Variants in NCF4 observed in about 807,000 individuals in gnomAD.
NCF4 encodes neutrophil cytosol factor 4.
In NCF4, 30 loss-of-function variants were observed where a neutral mutation model predicts 41.7. The observed-to-expected ratio is 0.72, with a 90% CI of 0.54 to 0.97. The LOEUF (loss-of-function observed/expected upper bound fraction) is 0.97, where lower values mean the gene tolerates loss of function less well. NCF4 is among the 50% of genes least tolerant of loss of function. NCF4 has a pLI of 0.00. For missense variants in NCF4, 432 were observed against 460.9 expected, an observed-to-expected ratio of 0.94 and a Z score of 0.57; for synonymous variants, 195 against 175.8, an observed-to-expected ratio of 1.11 and a Z score of -0.87.
At chr22:36,871,041 C>T (rs866487925) in intron 5 of NCF4, among the ~76,000 whole-genome samples, 14 of 152,208 alleles carry the variant, frequency 9.2e-5, no homozygotes, top group African/African-American at 3.4e-4. Flanking sequence ...TCAAGCCACT[C>T]GTAGACTGCT....
rs371008750 is a variant in NCF4, at chr22:36,877,756, G to A, written c.953G>A (p.Arg318His). 2.8e-5 allele frequency: 45 copies of A among 1,613,908 alleles called. No homozygotes were observed. The highest frequency in any genetic ancestry group is 2.1e-4 in the African/African-American group (16 of 74,892). ...RQARGLPSQK[R>H]LFPWKLHITQ... The stretch of plus-strand genomic sequence containing the variant: ...GCTCGTGGCCTCCCCTCCCAGAAGC[G>A]CCTCTTCCCCTGGAAGCTGCACATC... Residue 318 changes from arginine (R) to histidine (H), a missense_variant, in exon 10 of 10, where the codon CGC becomes CAC. Coordinates refer to ENST00000248899, the MANE Select transcript of NCF4 (RefSeq NM_000631.5).
intron 3 of NCF4, 92 bp from the exon 4 acceptor site, chr22:36,867,300 C>T: frequency 7.4e-7 from 1 of 1,343,128 alleles, no homozygotes; most frequent in African/African-American, 1.4e-5. Flanking sequence ...CGGGAAGGGG[C>T]TCTGGCCAGG....
chr22:36,871,348 A>G (rs1050574388), intron 5 of NCF4, among the ~76,000 whole-genome samples: 6 of 152,210 alleles, frequency 3.9e-5, no homozygotes, highest in Admixed American at 3.9e-4. Flanking sequence ...GAGCAGAGGA[A>G]CAAACACATC....
In NCF4 at chr22:36,865,834, GTC is replaced by G. The variant is rs1036270012; in HGVS notation, c.271+770_271+771del. On this transcript the variant is annotated intron_variant, in intron 3 of 9. Coordinates refer to ENST00000248899, the MANE Select transcript of NCF4 (RefSeq NM_000631.5). The surrounding 1 kb of genome is among the most constrained non-coding windows in gnomAD (Gnocchi z 4.3). ...GTTTGTTTTTTCTGTCTCTGTTTCT[GTC>G]TCTCTCTGTCTCAGCATATGACCCC... is the stretch of plus-strand genomic sequence containing the variant. Among the ~76,000 whole-genome samples the G allele has an allele frequency of 5.3e-5, 8 of 152,008 alleles. No homozygotes were observed. The highest frequency in any genetic ancestry group is 1.5e-5 in the Non-Finnish European group (1 of 68,006).
chr22:36,876,649 G>T (rs1021603855), intron 9 of NCF4, among the ~76,000 whole-genome samples: 11 of 152,058 alleles, frequency 7.2e-5, no homozygotes, highest in African/African-American at 2.4e-4. Context: ...AAGTCACTTT[G>T]GCTGCACAAA....
At chr22:36,867,142 T>TGTGTGCGCGC (rs10671614) in intron 3 of NCF4, among the ~76,000 whole-genome samples, 90 of 150,670 alleles carry the variant, frequency 6.0e-4, no homozygotes, top group Middle Eastern at 3.4e-3. Flanking sequence ...TGTGTGTGTG[T>TGTGTGCGCGC]GCGCTTGGAT....
In NCF4 at chr22:36,877,882, G is replaced by T; in HGVS notation, c.*59G>T. ...CAGCAAAAACCTTCAGCTCTCAGAG[G>T]AGATTGGGACCAGGAAAACCTGGGA... On this transcript the variant is annotated 3_prime_UTR_variant, in exon 10 of 10. Transcript: ENST00000248899. 6.5e-7 allele frequency: 1 copy of T among 1,529,634 alleles called. No homozygotes were observed. Among genetic ancestry groups the T allele is most frequent in the South Asian group, 1.2e-5 (1 of 84,982 alleles). 94.8% of individuals were successfully genotyped at this position (1,529,634 alleles called of 1,614,324 possible). A position where few individuals can be genotyped will look rare whatever the true frequency, so the allele number is the denominator to read the frequency against.
chr22:36,875,760 C>A lies in NCF4; in HGVS notation c.735C>A (p.Tyr245Ter). ...CCAACTGGCTGCGTTGCTACTACTA[C>A]GAAGACACCATCAGCACCATCAAGT... ...DPTNWLRCYY[Y>*]EDTISTIKDI... Residue 245 changes from tyrosine (Y) to a stop codon, truncating the protein, a stop_gained, in exon 8 of 10, where the codon TAC becomes TAA. Transcript: ENST00000248899. LOFTEE classifies it high-confidence loss of function. 1.2e-6 allele frequency: 2 copies of A among 1,614,008 alleles called. No homozygotes were observed. The highest frequency in any genetic ancestry group is 1.1e-5 in the South Asian group (1 of 91,090).
intron 4 of NCF4, among the ~76,000 whole-genome samples, chr22:36,869,390 C>T (rs994741656): frequency 1.8e-4 from 27 of 152,184 alleles, no homozygotes; most frequent in Non-Finnish European, 3.1e-4. Context: ...CCAGGTTTGC[C>T]CAAAGCCACC....
At chr22:36,876,217 C>G in intron 9 of NCF4, 123 bp downstream of exon 9, 2 of 1,015,030 alleles carry the variant, frequency 2.0e-6, no homozygotes, top group Non-Finnish European at 1.4e-6. Context: ...TCTTTTTATC[C>G]GCAGCCCAGC....
At chr22:36,871,751 G>C in intron 6 of NCF4, 42 bp downstream of exon 6, 1 of 1,548,352 alleles carries the variant, frequency 6.5e-7, no homozygotes. Context: ...CACACTGTGG[G>C]CATCTGCCTT....
At chr22:36,864,408 G>C (rs1008745626) in intron 2 of NCF4, among the ~76,000 whole-genome samples, 5 of 152,264 alleles carry the variant, frequency 3.3e-5, no homozygotes, top group Middle Eastern at 3.4e-3. Context: ...GTAAAGAACT[G>C]TCCGGCCCCA....
At chr22:36,863,497 A>G (rs1317484999) in intron 1 of NCF4, among the ~76,000 whole-genome samples, 1 of 149,706 alleles carries the variant, frequency 6.7e-6, no homozygotes, top group Non-Finnish European at 1.5e-5. Flanking sequence ...TCTGCGAGGC[A>G]TCAAGGCACC....
At position 36,865,095 on chromosome 22, in the gene NCF4, C is replaced by T. The variant is rs1205696815; in HGVS notation, c.271+23C>T. 3 of 1,605,562 alleles carry T rather than the reference C, an allele frequency of 1.9e-6. No individual in the cohort carries two copies. The highest frequency in any genetic ancestry group is 1.7e-5 in the Admixed American group (1 of 60,012). ...CAGGTAGGCGGCCACTCCCGTCCTG[C>T]TGCTGCAGAGCTGCTGACTCTCCTT... On this transcript the variant is annotated intron_variant, in intron 3 of 9. Coordinates refer to ENST00000248899, the MANE Select transcript of NCF4 (RefSeq NM_000631.5). This position sits in a 1 kb window ranked among gnomAD's most constrained non-coding sequence, Gnocchi z 4.3.
chr22:36,861,239 C>T, intron 1 of NCF4, 36 bp downstream of exon 1: 3 of 1,550,190 alleles, frequency 1.9e-6, no homozygotes, highest in Non-Finnish European at 2.6e-6. Flanking sequence ...CGGGCCTTCT[C>T]ACTGCTCCTC....
At position 36,870,451 on chromosome 22, in the gene NCF4, G is replaced by A; in HGVS notation, c.379G>A (p.Glu127Lys). Residue 127 changes from glutamate (E) to lysine (K), a missense_variant, in exon 5 of 10, where the codon GAG becomes AAG. Coordinates refer to ENST00000248899, the MANE Select transcript of NCF4 (RefSeq NM_000631.5). ...LSLPVWVLMD[E>K]DVRIFFYQSP... ...CCTGCCGGTCTGGGTGCTGATGGATGAGGACGTCCGGATCTTCTTTTACCA... is the reference window on the plus strand; with the variant it reads ...CCTGCCGGTCTGGGTGCTGATGGATAAGGACGTCCGGATCTTCTTTTACCA... The A allele has an allele frequency of 6.2e-7, 1 of 1,613,962 alleles. No individual in the cohort carries two copies. The highest frequency in any genetic ancestry group is 8.5e-7 in the Non-Finnish European group (1 of 1,180,014).
In NCF4 at chr22:36,861,009, C is replaced by A; in HGVS notation, c.-163C>A. ...GCCTGGAGGAGGAGCCTCTGCCAGA[C>A]TGGAGAGAAGCAGGCCTGAGCCTCC... On this transcript the variant is annotated 5_prime_UTR_variant, in exon 1 of 10. It adds an upstream start codon to the 5' untranslated region. Coordinates refer to ENST00000248899, the MANE Select transcript of NCF4 (RefSeq NM_000631.5). The A allele has an allele frequency of 1.1e-6, 1 of 896,114 alleles. No homozygotes were observed. Among genetic ancestry groups the A allele is most frequent in the Non-Finnish European group, 1.8e-6 (1 of 554,000 alleles). The allele number at this position is 896,114 out of a possible 1,614,324, so 55.5% of individuals were successfully genotyped here. A position where few individuals can be genotyped will look rare whatever the true frequency, so the allele number is the denominator to read the frequency against.
intron 7 of NCF4, 83 bp from the exon 8 acceptor site, chr22:36,875,570 A>G: frequency 7.6e-7 from 1 of 1,311,576 alleles, no homozygotes. Context: ...TTTCCCCATC[A>G]CTAGAACGGG....
At position 36,870,541 on chromosome 22, in the gene NCF4, G is replaced by A; in HGVS notation, c.469G>A (p.Val157Ile). ...CCGGCTCCGCCCGCGCACCCGGAAA[G>A]TGTAAGTGACCAGCCCCTGGGCTTC... The part of the protein sequence containing the change: ...LRRLRPRTRK[V>I]KSVSPQGNSV... The change falls in exon 5 of 10, where the codon GTC (valine) becomes ATC (isoleucine). Residue 157 changes from valine (V) to isoleucine (I), a missense_variant and splice_region_variant. Physicochemically the swap from Val to Ile is conservative, Grantham distance 29 (BLOSUM62 3). Transcript: ENST00000248899. 1 of 1,611,522 alleles carries A rather than the reference G, an allele frequency of 6.2e-7. No homozygotes were observed. Among genetic ancestry groups the A allele is most frequent in the Non-Finnish European group, 8.5e-7 (1 of 1,180,028 alleles).
Sources: gnomAD v4.1 joint callset for allele counts (sites outside exome capture counted in the v4.1 genomes callset) on GRCh38, gnomAD v4.1.1 for gene constraint, Gnocchi (gnomAD v3.1) non-coding constraint, MANE v1.5 for transcripts, NCBI Gene and HGNC (gene_info 2026-07-23, HGNC 2026-07-21) for gene names.